Variants in DIP2A observed in about 807,000 individuals in gnomAD.
DIP2A encodes the protein disco-interacting protein 2 homolog A.
Under a neutral mutation model 177.4 loss-of-function variants are expected in DIP2A, and 85 were observed. The ratio of observed to expected loss-of-function variants is 0.48; its 90% CI spans 0.40 to 0.57. DIP2A has a LOEUF of 0.57. DIP2A is among the 20% of genes least tolerant of loss of function. The pLI is 0.00. For synonymous variants in DIP2A, 886 were observed against 881.8 expected (o/e 1.00, Z -0.08); for missense variants, 1,791 against 2,100.2 (o/e 0.85, Z 2.88).
chr21:46,551,835 G>A lies in DIP2A; in HGVS notation c.2961G>A (p.Leu987=), dbSNP rs1160031279. 2 of 1,612,674 alleles carry A rather than the reference G, an allele frequency of 1.2e-6. No individual in the cohort carries two copies. The highest frequency in any genetic ancestry group is 1.7e-6 in the Non-Finnish European group (2 of 1,179,330). Residue 987 remains leucine, a synonymous_variant, in exon 25 of 38, where the codon CTG becomes CTA. Transcript: ENST00000417564. The part of the protein sequence containing the change: ...DSDQARKFLF[L]ADVLQWRAHT... ...GCCCTCTCGTGCAGTTCCTGTTCCT[G>A]GCTGACGTGCTGCAGTGGCGTGCCC...
At chr21:46,550,939 A>T (rs1189880994) in intron 23 of DIP2A, among the ~76,000 whole-genome samples, 195 bp downstream of exon 23, 3 of 152,096 alleles carry the variant, frequency 2.0e-5, no homozygotes, top group Non-Finnish European at 2.9e-5. Flanking sequence ...CGCATGGGGG[A>T]ACTTAACCAC....
At chr21:46,550,510 G>A (rs1182899983) in intron 22 of DIP2A, 33 bp from the exon 23 acceptor site, 3 of 1,591,342 alleles carry the variant, frequency 1.9e-6, no homozygotes, top group Non-Finnish European at 2.6e-6. Flanking sequence ...CTCAAGTTGG[G>A]GGCCTGTGCC....
rs529051419 is a variant in DIP2A at position 46,467,355 on chromosome 21, TTTTG to T, written c.91+8157_91+8160del. On this transcript the variant is annotated intron_variant, in intron 1 of 37. Transcript: ENST00000417564. ...TATTTAAAAAATTTCACAGTATTAG[TTTTG>T]TTTGTTTGTTTGTTTGTTTGTTTTT... 7.9e-3 allele frequency among the ~76,000 whole-genome samples: 1,190 copies of T among 151,396 alleles called. 12 individuals carry two copies. The highest frequency in any genetic ancestry group is 0.026 in the African/African-American group (1,086 of 41,262).
chr21:46,555,728 T>G (rs1240554699), intron 28 of DIP2A: 1 of 514,680 alleles, frequency 1.9e-6, no homozygotes, highest in Non-Finnish European at 3.5e-6. Flanking sequence ...ATGCCTCCCC[T>G]CTTCGCCCTG....
At chr21:46,464,601 T>C (rs541223233) in intron 1 of DIP2A, among the ~76,000 whole-genome samples, 14 of 152,294 alleles carry the variant, frequency 9.2e-5, no homozygotes, top group Admixed American at 8.5e-4. Flanking sequence ...AGGACTTTCT[T>C]GGCCTGTCAT....
chr21:46,513,977 G>A (rs2148645367), intron 8 of DIP2A, among the ~76,000 whole-genome samples: 2 of 152,064 alleles, frequency 1.3e-5, no homozygotes, highest in South Asian at 4.2e-4. Flanking sequence ...CTTTTTAAAG[G>A]CCTGCTTCAA....
intron 35 of DIP2A, among the ~76,000 whole-genome samples, chr21:46,565,231 C>T (rs79596358): frequency 0.13 from 19,866 of 152,224 alleles, 1,822 homozygotes; most frequent in African/African-American, 0.26. Flanking sequence ...ACACGGATAG[C>T]GGACGCACAC....
At position 46,533,636 on chromosome 21, in the gene DIP2A, C is replaced by T; in HGVS notation, c.1418C>T (p.Ala473Val). Reference protein sequence around the residue: ...GLPKAQTGEVAAFKGWPPLSW... With the variant: ...GLPKAQTGEVVAFKGWPPLSW... Reference sequence around the variant, plus strand: ...CCCAAGGCACAGACAGGAGAGGTGGCAGCTTTCAAAGGTGAGGCCTCCCAA... The same window carrying T: ...CCCAAGGCACAGACAGGAGAGGTGGTAGCTTTCAAAGGTGAGGCCTCCCAA... The change falls in exon 11 of 38, where the codon GCA (alanine) becomes GTA (valine). Residue 473 changes from alanine (A) to valine (V), a missense_variant. Physicochemically the swap from Ala to Val is moderately conservative, Grantham distance 64. Coordinates refer to ENST00000417564, the MANE Select transcript of DIP2A (RefSeq NM_015151.4). The T allele has an allele frequency of 6.2e-7, 1 of 1,613,996 alleles. No homozygotes were observed. Among genetic ancestry groups the T allele is most frequent in the Non-Finnish European group, 8.5e-7 (1 of 1,179,886 alleles).
chr21:46,557,952 G>A lies in DIP2A; in HGVS notation c.3798+199G>A, dbSNP rs968088461. On this transcript the variant is annotated intron_variant, in intron 31 of 37. Transcript: ENST00000417564. The surrounding 1 kb of genome is among the most constrained non-coding windows in gnomAD (Gnocchi z 6.0). ...GTCTCTGCAGCTCCACACCCCGCAG[G>A]AGAGGAGGGTGGGGGGTAGGGCAGG... 6.6e-6 allele frequency among the ~76,000 whole-genome samples: 1 copy of A among 152,248 alleles called. No individual in the cohort carries two copies. Among genetic ancestry groups the A allele is most frequent in the Non-Finnish European group, 1.5e-5 (1 of 68,046 alleles).
At chr21:46,479,841 A>G (rs1358939347) in intron 1 of DIP2A, among the ~76,000 whole-genome samples, 2 of 152,138 alleles carry the variant, frequency 1.3e-5, no homozygotes, top group Admixed American at 6.5e-5. Context: ...CTGCATAAAT[A>G]ATTTAAATTG....
chr21:46,463,778 G>A (rs576084748), intron 1 of DIP2A, among the ~76,000 whole-genome samples: 14 of 150,664 alleles, frequency 9.3e-5, no homozygotes, highest in African/African-American at 2.4e-4. Flanking sequence ...GCGCGATCTC[G>A]GCTCACTGCA....
At position 46,459,231 on chromosome 21, in the gene DIP2A, G is replaced by C. The variant is rs570187613; in HGVS notation, c.91+9G>C. The stretch of plus-strand genomic sequence containing the variant: ...GCTGGAGCTGTCGGAAGGTGAGCCG[G>C]ACCCCGCCCTCAACCCCCGCGACCC... On this transcript the variant is annotated intron_variant, in intron 1 of 37. Transcript: ENST00000417564. The C allele has an allele frequency of 2.0e-6, 3 of 1,520,414 alleles. No individual in the cohort carries two copies. Among genetic ancestry groups the C allele is most frequent in the Non-Finnish European group, 1.8e-6 (2 of 1,135,054 alleles). 94.2% of individuals were successfully genotyped at this position (1,520,414 alleles called of 1,614,324 possible).
intron 8 of DIP2A, among the ~76,000 whole-genome samples, chr21:46,522,208 A>G (rs2058854338): frequency 6.6e-6 from 1 of 152,260 alleles, no homozygotes; most frequent in Admixed American, 6.5e-5. Context: ...TTTTCTGACA[A>G]GATATTTGGT....
chr21:46,513,039 CCTTTTAACA>C (rs1216855761), intron 8 of DIP2A, among the ~76,000 whole-genome samples: 2 of 151,660 alleles, frequency 1.3e-5, no homozygotes, highest in African/African-American at 4.8e-5. Flanking sequence ...ATTTGGATTG[CCTTTTAACA>C]CTTTTAATTA....
chr21:46,554,340 T>A (rs927325397), intron 26 of DIP2A, 48 bp downstream of exon 26: 1 of 1,607,496 alleles, frequency 6.2e-7, no homozygotes, highest in Non-Finnish European at 8.5e-7. Flanking sequence ...GTAAGCAGCC[T>A]CCTATCCTAA....
chr21:46,509,206 C>A, intron 6 of DIP2A, 51 bp from the exon 7 acceptor site: 1 of 1,552,348 alleles, frequency 6.4e-7, no homozygotes. Flanking sequence ...CCTGTGTCCA[C>A]TTCTTCAGAT....
At chr21:46,555,600 G>T in intron 28 of DIP2A, 1 of 239,922 alleles carries the variant, frequency 4.2e-6, no homozygotes, top group South Asian at 4.9e-5. Flanking sequence ...AGAACCCAGA[G>T]CCCGTCCACA....
intron 8 of DIP2A, among the ~76,000 whole-genome samples, chr21:46,524,901 TTTTG>T (rs2059004563): frequency 1.9e-5 from 2 of 102,928 alleles, no homozygotes; most frequent in African/African-American, 8.0e-5. Context: ...TTTTTTTTTT[TTTTG>T]AGACAGAGTC....
intron 16 of DIP2A, 122 bp from the exon 17 acceptor site, chr21:46,539,755 C>A: frequency 1.2e-6 from 1 of 812,420 alleles, no homozygotes; most frequent in Non-Finnish European, 2.2e-6. Context: ...CCCCTTCCTT[C>A]TGCTGATGCA....
Sources: allele counts gnomAD v4.1 joint callset (sites outside exome capture counted in the v4.1 genomes callset), GRCh38; gene constraint gnomAD v4.1.1; non-coding constraint Gnocchi (gnomAD v3.1); transcripts MANE v1.5; gene names NCBI Gene and HGNC (gene_info 2026-07-23, HGNC 2026-07-21).